The following SNCAIP variants were observed in gnomAD, a reference collection of about 807,000 sequenced individuals.
SNCAIP encodes the protein synuclein alpha interacting protein, also known as synphilin-1.
SNCAIP carries 43 observed loss-of-function variants against 86.7 expected under a neutral mutation model. The observed-to-expected ratio is 0.50, with a 90% CI of 0.39 to 0.64. The LOEUF is 0.64. SNCAIP is among the 30% of genes least tolerant of loss of function. The pLI is 0.00. For synonymous variants in SNCAIP, 417 were observed against 427.2 expected (o/e 0.98, Z 0.29); for missense variants, 981 against 1,103.1 (o/e 0.89, Z 1.57).
Position 122,450,534 on chromosome 5 carries a change from TC to T in SNCAIP, c.1688del (p.Ser563TyrfsTer22), listed in dbSNP as rs1215132841. The stretch of plus-strand genomic sequence containing the variant: ...ATATGTCCTTCATCTTCTTTTTAGT[TC>T]ACCATCCTCACCTGCCTCCAGAAAG... ...EGKSLPSSPS[S>X]PSSPASRKSQ... is the part of the protein sequence containing the mutation. On this transcript the variant is annotated frameshift_variant and splice_region_variant, in exon 10 of 11. Transcript: ENST00000261368. LOFTEE classifies it high-confidence loss of function. 2 of 1,611,232 alleles carry T rather than the reference TC, an allele frequency of 1.2e-6. No individual in the cohort carries two copies. Among genetic ancestry groups the T allele is most frequent in the African/African-American group, 2.7e-5 (2 of 74,848 alleles).
chr5:122,400,804 A>G (rs1008037856), intron 2 of SNCAIP, among the ~76,000 whole-genome samples: 2 of 152,240 alleles, frequency 1.3e-5, no homozygotes, highest in African/African-American at 4.8e-5. Context: ...CCTTTGGCAG[A>G]GCTCTTCTTC....
At chr5:122,382,873 C>T (rs1441661595) in intron 1 of SNCAIP, among the ~76,000 whole-genome samples, 1 of 152,226 alleles carries the variant, frequency 6.6e-6, no homozygotes, top group Non-Finnish European at 1.5e-5. Context: ...GGGTCAGGGA[C>T]CCACTTGAGG....
intron 6 of SNCAIP, 75 bp from the exon 7 acceptor site, chr5:122,440,554 A>G: frequency 2.9e-6 from 4 of 1,400,096 alleles, no homozygotes; most frequent in South Asian, 1.2e-5. Flanking sequence ...AAATTAGGGT[A>G]TTGTTTTCCT....
chr5:122,336,049 GACTTA>G (rs1360686540), intron 1 of SNCAIP, among the ~76,000 whole-genome samples: 1 of 152,148 alleles, frequency 6.6e-6, no homozygotes, highest in Non-Finnish European at 1.5e-5. Flanking sequence ...TTATTATTAA[GACTTA>G]ACTTATATAG....
At chr5:122,335,269 T>C (rs1756209282) in intron 1 of SNCAIP, among the ~76,000 whole-genome samples, 1 of 152,224 alleles carries the variant, frequency 6.6e-6, no homozygotes, top group Admixed American at 6.5e-5. Flanking sequence ...TTTTTGTGTG[T>C]GTGACATATC....
At chr5:122,434,569 A>G (rs757987616) in intron 6 of SNCAIP, among the ~76,000 whole-genome samples, 4 of 152,142 alleles carry the variant, frequency 2.6e-5, no homozygotes, top group Non-Finnish European at 4.4e-5. Context: ...GCTAGTGTCA[A>G]TATTCAGGTT....
chr5:122,347,259 G>T (rs1758790909), intron 1 of SNCAIP, among the ~76,000 whole-genome samples: 1 of 152,058 alleles, frequency 6.6e-6, no homozygotes. Context: ...CTTTCTGGAA[G>T]GTCTATGTGA....
chr5:122,391,289 T>C, intron 2 of SNCAIP, 98 bp downstream of exon 2: 7 of 898,370 alleles, frequency 7.8e-6, no homozygotes, highest in Middle Eastern at 2.5e-4. Context: ...TCAACTTTTC[T>C]GACTACATTT....
At chr5:122,341,042 C>T (rs1580505216) in intron 1 of SNCAIP, among the ~76,000 whole-genome samples, 1 of 152,166 alleles carries the variant, frequency 6.6e-6, no homozygotes, top group East Asian at 1.9e-4. Flanking sequence ...TGGCCCACCA[C>T]CCTTCCCCTT....
At position 122,452,932 on chromosome 5, in the gene SNCAIP, A is replaced by C. The variant is rs1292922339; in HGVS notation, c.2754+1331A>C. On this transcript the variant is annotated intron_variant, in intron 10 of 10. Transcript: ENST00000261368. ...TTAATTGCACCTCTCTAGGAAATGT[A>C]CAGCAGCTGCATCAATCTTTCCTCT... 3 of 1,546,482 alleles carry C rather than the reference A, an allele frequency of 1.9e-6. No individual in the cohort carries two copies. In the Admixed American group the frequency reaches 5.9e-5, roughly 30 times the overall value.
At chr5:122,400,878 C>T (rs2152865616) in intron 2 of SNCAIP, 2 of 1,141,194 alleles carry the variant, frequency 1.8e-6, no homozygotes, top group Non-Finnish European at 1.2e-6. Flanking sequence ...TCTATGTTCA[C>T]TGGGAATAAC....
At chr5:122,352,602 A>AT (rs1161632279) in intron 1 of SNCAIP, among the ~76,000 whole-genome samples, 3 of 152,174 alleles carry the variant, frequency 2.0e-5, no homozygotes, top group Non-Finnish European at 2.9e-5. Flanking sequence ...ACAAATGTCT[A>AT]TTTTTTGTTA....
intron 1 of SNCAIP, chr5:122,369,864 C>T (rs1411604213): frequency 1.3e-5 from 2 of 152,096 alleles, no homozygotes; most frequent in Non-Finnish European, 2.9e-5. Flanking sequence ...CTTCTTAGCT[C>T]CTTTGCTTCA....
chr5:122,388,662 T>G (rs966895325), intron 1 of SNCAIP: 1 of 152,246 alleles, frequency 6.6e-6, no homozygotes. Flanking sequence ...AGACTCACTC[T>G]TACCTGTAAA....
intron 3 of SNCAIP, among the ~76,000 whole-genome samples, chr5:122,422,109 T>G (rs1474666023): frequency 1.3e-5 from 2 of 152,120 alleles, no homozygotes; most frequent in Non-Finnish European, 2.9e-5. Context: ...AGGGCAGTAT[T>G]GAATCCTAAA....
At chr5:122,381,791 T>C (rs1271391501) in intron 1 of SNCAIP, among the ~76,000 whole-genome samples, 1 of 152,124 alleles carries the variant, frequency 6.6e-6, no homozygotes, top group African/African-American at 2.4e-5. Flanking sequence ...TATTTCTCCT[T>C]CACTTATGAA....
intron 8 of SNCAIP, among the ~76,000 whole-genome samples, chr5:122,448,681 A>ATATATGT (rs1782988137): frequency 5.9e-5 from 8 of 135,806 alleles, no homozygotes; most frequent in South Asian, 2.1e-4. Flanking sequence ...TATATATGTT[A>ATATATGT]TATATATATT....
chr5:122,387,898 A>G (rs1488555814), intron 1 of SNCAIP, among the ~76,000 whole-genome samples: 1 of 152,276 alleles, frequency 6.6e-6, no homozygotes, highest in Non-Finnish European at 1.5e-5. Flanking sequence ...ATGATAATTT[A>G]AAATGATCTT....
In SNCAIP at chr5:122,424,469, A is replaced by G. The variant is rs1039035925; in HGVS notation, c.1002+730A>G. On this transcript the variant is annotated intron_variant, in intron 4 of 10. Transcript: ENST00000261368. The stretch of plus-strand genomic sequence containing the variant: ...CTGGGCTCGTACTATGATGCTAATT[A>G]AAGTCTCATTCAAGAAAATCATCAC... 4.6e-5 allele frequency among the ~76,000 whole-genome samples: 7 copies of G among 152,224 alleles called. No individual in the cohort carries two copies. The East Asian group carries it at 1.2e-3, about 25-fold the overall frequency.
Sources: allele counts gnomAD v4.1 joint callset (sites outside exome capture counted in the v4.1 genomes callset), GRCh38; gene constraint gnomAD v4.1.1; transcripts MANE v1.5; gene names NCBI Gene and HGNC (gene_info 2026-07-23, HGNC 2026-07-21).